Variants in SIRT5 observed in about 807,000 individuals in gnomAD.
SIRT5 encodes sirtuin 5, also known as NAD-dependent protein deacylase sirtuin-5, mitochondrial.
SIRT5 carries 26 observed loss-of-function variants against 40.0 expected under a neutral mutation model. The observed-to-expected ratio is 0.65, with a 90% CI of 0.48 to 0.90. SIRT5 has a LOEUF of 0.90. Among genes scored for constraint, SIRT5 ranks in the 40% least tolerant of loss-of-function variants. The probability of loss-of-function intolerance (pLI) is 0.00; values close to 1 mark genes in which losing one functional copy is unlikely to be tolerated. For missense variants in SIRT5, 401 were observed against 402.4 expected (o/e 1.00, Z 0.03); for synonymous variants, 146 against 149.1 (o/e 0.98, Z 0.15).
intron 9 of SIRT5, chr6:13,605,522 C>T (rs1762992849): frequency 2.0e-6 from 2 of 985,400 alleles, no homozygotes; most frequent in Non-Finnish European, 2.4e-6. Context: ...TCACAAGACA[C>T]CTTAGGCCTT....
chr6:13,584,450 AAGCAGTTCTCTTGCCTC>A (rs1444373134), intron 3 of SIRT5, among the ~76,000 whole-genome samples: 1 of 152,108 alleles, frequency 6.6e-6, no homozygotes, highest in Non-Finnish European at 1.5e-5. Flanking sequence ...TCCTGGGTTC[AAGCAGTTCTCTTGCCTC>A]AGCCTCCCGA....
In SIRT5 at chr6:13,613,442, G is replaced by A. The variant is rs1764104322; in HGVS notation, c.*1577G>A. On this transcript the variant is annotated 3_prime_UTR_variant, in exon 10 of 10. Transcript: ENST00000606117. ...GGCATGGCCATTATCAACAGTGTATGAAGGTCACATATGGCTCCCTGAAGT... is the reference window on the plus strand; with the variant it reads ...GGCATGGCCATTATCAACAGTGTATAAAGGTCACATATGGCTCCCTGAAGT... 6.6e-6 allele frequency: 1 copy of A among 152,216 alleles called. No homozygotes were observed. The highest frequency in any genetic ancestry group is 1.5e-5 in the Non-Finnish European group (1 of 68,036). The allele number at this position is 152,216 out of a possible 1,614,324, so 9.4% of individuals were successfully genotyped here.
At chr6:13,585,388 C>A (rs1435194610) in intron 3 of SIRT5, among the ~76,000 whole-genome samples, 1 of 151,924 alleles carries the variant, frequency 6.6e-6, no homozygotes, top group East Asian at 1.9e-4. Flanking sequence ...GCTATCCCTC[C>A]CCAAGCCCAC....
chr6:13,601,339 C>T (rs1049568666), intron 9 of SIRT5, among the ~76,000 whole-genome samples: 1 of 152,192 alleles, frequency 6.6e-6, no homozygotes, highest in African/African-American at 2.4e-5. Context: ...ACTGGGAGGC[C>T]ACCTGGCAGA....
Position 13,599,155 on chromosome 6 carries a change from G to A in SIRT5, c.741G>A (p.Val247=). Residue 247 remains valine (V), a splice_region_variant and synonymous_variant, in exon 8 of 10, where the codon GTG becomes GTA. Transcript: ENST00000606117. Reference sequence around the variant, plus strand: ...TCGCCCACTGTGATTTATGTCTAGTGGTGGGTCATGCCCTTCCCTAACCCC... The same window carrying A: ...TCGCCCACTGTGATTTATGTCTAGTAGTGGGTCATGCCCTTCCCTAACCCC... ...RELAHCDLCL[V]VGTSSVVYPA... The A allele has an allele frequency of 6.2e-7, 1 of 1,613,556 alleles. No homozygotes were observed. Among genetic ancestry groups the A allele is most frequent in the Non-Finnish European group, 8.5e-7 (1 of 1,179,722 alleles).
At chr6:13,610,856 TTTGTA>T (rs1763743212) in intron 9 of SIRT5, among the ~76,000 whole-genome samples, 1 of 152,216 alleles carries the variant, frequency 6.6e-6, no homozygotes, top group Non-Finnish European at 1.5e-5. Flanking sequence ...GCAGTCACTA[TTTGTA>T]TTGTATCAAG....
chr6:13,594,198 C>T (rs1004435168), intron 5 of SIRT5, among the ~76,000 whole-genome samples: 1 of 152,180 alleles, frequency 6.6e-6, no homozygotes. Context: ...AAAGTCACCC[C>T]ATTTTTCAGT....
At chr6:13,608,245 A>G (rs928539286) in intron 9 of SIRT5, among the ~76,000 whole-genome samples, 1 of 152,174 alleles carries the variant, frequency 6.6e-6, no homozygotes, top group Admixed American at 6.5e-5. Context: ...TTTCCATTCT[A>G]TCACTACTAC....
chr6:13,591,931 T>C, intron 5 of SIRT5, 37 bp downstream of exon 5: 1 of 1,581,578 alleles, frequency 6.3e-7, no homozygotes, highest in African/African-American at 1.3e-5. Context: ...GGGAACCAGC[T>C]TTAAAACACC....
chr6:13,576,710 A>G (rs1758681020), intron 1 of SIRT5, among the ~76,000 whole-genome samples: 1 of 152,112 alleles, frequency 6.6e-6, no homozygotes, highest in Non-Finnish European at 1.5e-5. Flanking sequence ...TTGGGGTCCT[A>G]TCCAAGAAAT....
intron 1 of SIRT5, among the ~76,000 whole-genome samples, chr6:13,576,575 A>G (rs1758668706): frequency 6.6e-6 from 1 of 152,116 alleles, no homozygotes; most frequent in African/African-American, 2.4e-5. Context: ...TATCAGATGC[A>G]TGGTTTGCAA....
rs915845125 is a variant in SIRT5 at position 13,574,638 on chromosome 6, C to G, written c.-301C>G. ...GAGCTGCCCCAGGTGAGCCGTGGCT[C>G]AGGTCCGGAGCGCGGTCGGGACACA... On this transcript the variant is annotated 5_prime_UTR_variant, in exon 1 of 10. Transcript: ENST00000606117. The G allele has an allele frequency of 6.6e-6, 1 of 152,440 alleles. No homozygotes were observed. The highest frequency in any genetic ancestry group is 1.5e-5 in the Non-Finnish European group (1 of 68,302). 9.4% of individuals were successfully genotyped at this position (152,440 alleles called of 1,614,324 possible). A position where few individuals can be genotyped will look rare whatever the true frequency, so the allele number is the denominator to read the frequency against.
At chr6:13,588,296 G>A (rs1329006289) in intron 3 of SIRT5, 35 bp from the exon 4 acceptor site, 1 of 1,605,296 alleles carries the variant, frequency 6.2e-7, no homozygotes, top group Non-Finnish European at 8.5e-7. Flanking sequence ...TGTCCAAACT[G>A]TACACTGGAT....
chr6:13,591,564 C>G (rs1760901935), intron 4 of SIRT5, 105 bp from the exon 5 acceptor site: 10 of 954,696 alleles, frequency 1.0e-5, no homozygotes, highest in Non-Finnish European at 1.5e-5. Context: ...CTGCACCTTC[C>G]CGACGCTGCC....
At chr6:13,599,439 C>G (rs1762074466) in intron 8 of SIRT5, among the ~76,000 whole-genome samples, 1 of 152,178 alleles carries the variant, frequency 6.6e-6, no homozygotes, top group Admixed American at 6.5e-5. Context: ...AAGAAAAGAA[C>G]ATGCTATTGG....
rs1763979284 is a variant in SIRT5 at position 13,611,860 on chromosome 6, TC to T, written c.929del (p.Ser310PhefsTer16). ...ALACHENETV[S>X] ...TGCCTGTCATGAAAATGAAACTGTT[TC>T]TTAAGTGTCCTGGGGAAGAAAGAAA... On this transcript the variant is annotated frameshift_variant, in exon 10 of 10. Transcript: ENST00000606117. LOFTEE classifies it high-confidence loss of function. The T allele has an allele frequency of 6.2e-7, 1 of 1,613,784 alleles. No individual in the cohort carries two copies. The highest frequency in any genetic ancestry group is 8.5e-7 in the Non-Finnish European group (1 of 1,179,828).
chr6:13,605,601 A>G, intron 9 of SIRT5: 1 of 985,436 alleles, frequency 1.0e-6, no homozygotes, highest in Non-Finnish European at 1.2e-6. Context: ...CTCCTCCCAC[A>G]GGAATGTATT....
rs1460889401 is a variant in SIRT5, at chr6:13,607,781, T to A, written c.858-4009T>A. Among the ~76,000 whole-genome samples the A allele has an allele frequency of 6.6e-6, 1 of 152,154 alleles. No individual in the cohort carries two copies. The highest frequency in any genetic ancestry group is 2.4e-5 in the African/African-American group (1 of 41,422). ...TTATTTATTGATGTTTGAGACAGAG[T>A]CTGGCTCTGTTGCCCAGGCTGGACT... On this transcript the variant is annotated intron_variant, in intron 9 of 9. Coordinates refer to ENST00000606117, the MANE Select transcript of SIRT5 (RefSeq NM_012241.5). The surrounding 1 kb of genome is among the most constrained non-coding windows in gnomAD (Gnocchi z 4.0).
chr6:13,612,811 A>G lies in SIRT5; in HGVS notation c.*946A>G, dbSNP rs1159377592. The stretch of plus-strand genomic sequence containing the variant: ...ACCCCCAGGATAAACACAGCTGCCC[A>G]AAATTTAGCTCTGGCCCCCTTAGAT... On this transcript the variant is annotated 3_prime_UTR_variant, in exon 10 of 10. Coordinates refer to ENST00000606117, the MANE Select transcript of SIRT5 (RefSeq NM_012241.5). The G allele has an allele frequency of 6.6e-6, 1 of 152,256 alleles. No homozygotes were observed. The highest frequency in any genetic ancestry group is 1.9e-4 in the East Asian group (1 of 5,198). 9.4% of individuals were successfully genotyped at this position (152,256 alleles called of 1,614,324 possible). A position where few individuals can be genotyped will look rare whatever the true frequency, so the allele number is the denominator to read the frequency against.
Sources: allele counts gnomAD v4.1 joint callset (sites outside exome capture counted in the v4.1 genomes callset), GRCh38; gene constraint gnomAD v4.1.1; non-coding constraint Gnocchi (gnomAD v3.1); transcripts MANE v1.5; gene names NCBI Gene and HGNC (gene_info 2026-07-23, HGNC 2026-07-21).